SORBS2: variants seen among roughly 807,000 people sequenced by gnomAD.
SORBS2 encodes sorbin and SH3 domain-containing protein 2.
In SORBS2, 46 loss-of-function variants were observed where a neutral mutation model predicts 97.7. That is an observed-to-expected ratio of 0.47 (90% CI 0.37 to 0.60). The LOEUF (loss-of-function observed/expected upper bound fraction) is 0.60, where lower values mean the gene tolerates loss of function less well. Ranked by LOEUF, SORBS2 falls within the 20% of genes least tolerant of loss-of-function variation. The pLI is 0.00. For missense variants in SORBS2, 1,316 were observed against 1,282.3 expected (o/e 1.03, Z -0.40); for synonymous variants, 476 against 473.4 (o/e 1.01, Z -0.07).
intron 1 of SORBS2, among the ~76,000 whole-genome samples, chr4:185,923,578 T>G (rs1173026332): frequency 6.7e-6 from 1 of 149,566 alleles, no homozygotes; most frequent in East Asian, 2.0e-4. Flanking sequence ...CTCTGGGATT[T>G]GTGAACCACC....
At chr4:185,827,767 A>G (rs1167403639) in intron 1 of SORBS2, among the ~76,000 whole-genome samples, 7 of 148,846 alleles carry the variant, frequency 4.7e-5, no homozygotes, top group East Asian at 2.0e-4. Context: ...CACCATCATC[A>G]TCACCATCAC....
At chr4:185,952,825 C>T (rs913622771) in intron 1 of SORBS2, among the ~76,000 whole-genome samples, 1 of 152,174 alleles carries the variant, frequency 6.6e-6, no homozygotes, top group Non-Finnish European at 1.5e-5. Flanking sequence ...CCCCTTCAAA[C>T]CAATAAACAA....
intron 1 of SORBS2, among the ~76,000 whole-genome samples, chr4:185,915,630 C>T (rs72709760): frequency 0.063 from 9,607 of 152,100 alleles, 423 homozygotes; most frequent in Middle Eastern, 0.11. Flanking sequence ...TTCCTTTCTC[C>T]CAAAAATATT....
intron 1 of SORBS2, among the ~76,000 whole-genome samples, chr4:185,886,383 A>G (rs1038445549): frequency 1.3e-5 from 2 of 151,788 alleles, no homozygotes; most frequent in African/African-American, 2.4e-5. Context: ...GTGAAACCCC[A>G]TCTCTACTAA....
chr4:185,705,283 A>AT (rs1446327848), intron 2 of SORBS2, among the ~76,000 whole-genome samples: 4 of 152,180 alleles, frequency 2.6e-5, no homozygotes, highest in Non-Finnish European at 5.9e-5. Flanking sequence ...TTAGGAGTAC[A>AT]TTTTTTCAGA....
chr4:185,803,063 T>C (rs2099137978), intron 1 of SORBS2, among the ~76,000 whole-genome samples: 1 of 152,168 alleles, frequency 6.6e-6, no homozygotes, highest in Admixed American at 6.5e-5. Context: ...ATCCCATTGG[T>C]AACAAATACT....
intron 1 of SORBS2, among the ~76,000 whole-genome samples, chr4:185,874,861 T>TC (rs1223680362): frequency 6.7e-6 from 1 of 150,334 alleles, no homozygotes; most frequent in Non-Finnish European, 1.5e-5. Flanking sequence ...TACCCTGATT[T>TC]TTTTTTTTTT....
chr4:185,923,885 T>C (rs531746844), intron 1 of SORBS2, among the ~76,000 whole-genome samples: 54 of 152,354 alleles, frequency 3.5e-4, no homozygotes, highest in Non-Finnish European at 6.6e-4. Flanking sequence ...TTGGATACTT[T>C]CCTGAATACT....
intron 2 of SORBS2, among the ~76,000 whole-genome samples, chr4:185,760,083 T>C (rs1289518723): frequency 6.6e-6 from 1 of 152,188 alleles, no homozygotes; most frequent in East Asian, 1.9e-4. Flanking sequence ...ATTTTAACTT[T>C]ATACAACAGA....
At chr4:185,642,919 A>T (rs1004636517) in intron 4 of SORBS2, among the ~76,000 whole-genome samples, 12 of 152,250 alleles carry the variant, frequency 7.9e-5, no homozygotes, top group African/African-American at 2.9e-4. Flanking sequence ...TCATGGATAA[A>T]CAACAGAACA....
At chr4:185,860,020 A>G (rs1274490075) in intron 1 of SORBS2, among the ~76,000 whole-genome samples, 1 of 152,216 alleles carries the variant, frequency 6.6e-6, no homozygotes, top group Non-Finnish European at 1.5e-5. Context: ...TTCCTTTTTA[A>G]CATTGGAGGT....
Position 185,816,091 on chromosome 4 carries a change from T to C in SORBS2, c.-337-40725A>G, listed in dbSNP as rs558454568. Among the ~76,000 whole-genome samples the C allele has an allele frequency of 1.8e-4, 27 of 152,298 alleles. 1 individual carries two copies. The East Asian group carries it at 4.6e-3, about 26-fold the overall frequency. ...ACTCTGGTAGAGAGTATTGGAAACA[T>C]TTTGCACTTTCTTGAAACAAGTTTG... On this transcript the variant is annotated intron_variant, in intron 1 of 20. Coordinates refer to the SORBS2 transcript ENST00000284776.
At chr4:185,830,173 A>G (rs2099204359) in intron 1 of SORBS2, among the ~76,000 whole-genome samples, 1 of 152,118 alleles carries the variant, frequency 6.6e-6, no homozygotes. Flanking sequence ...GATTTCCCTG[A>G]TTACTATTAT....
chr4:185,821,569 G>A (rs2099196819), intron 1 of SORBS2, among the ~76,000 whole-genome samples: 1 of 152,008 alleles, frequency 6.6e-6, no homozygotes. Context: ...GATTACAGGT[G>A]CCCGCCACCA....
chr4:185,907,196 T>C (rs1242925180), intron 1 of SORBS2, among the ~76,000 whole-genome samples: 9 of 151,796 alleles, frequency 5.9e-5, no homozygotes, highest in Admixed American at 5.9e-4. Context: ...TATTCCATCA[T>C]ATGCTCACTT....
chr4:185,666,081 G>A, intron 4 of SORBS2: 1 of 1,289,858 alleles, frequency 7.8e-7, no homozygotes, highest in Non-Finnish European at 1.0e-6. Flanking sequence ...TGCCTGGTGA[G>A]AAAGTGGCTC....
chr4:185,649,433 G>A (rs370453531), intron 3 of SORBS2, 34 bp downstream of exon 12: 308 of 1,509,540 alleles, frequency 2.0e-4, no homozygotes, highest in Middle Eastern at 5.4e-4. Flanking sequence ...TATCCTAAGC[G>A]AAACATAGGC....
chr4:185,825,181 A>G (rs991247093), intron 1 of SORBS2, among the ~76,000 whole-genome samples: 2 of 149,394 alleles, frequency 1.3e-5, no homozygotes, highest in South Asian at 4.3e-4. Context: ...CATGGGGAAT[A>G]TCTTTATTTG....
At chr4:185,844,942 G>A (rs11934935) in intron 1 of SORBS2, among the ~76,000 whole-genome samples, 81,390 of 151,834 alleles carry the variant, frequency 0.54, 22,348 homozygotes, top group East Asian at 0.79. Flanking sequence ...ATTAGTGCCT[G>A]CCTGGGGCTG....
Sources: gnomAD v4.1 joint callset for allele counts (sites outside exome capture counted in the v4.1 genomes callset) on GRCh38, gnomAD v4.1.1 for gene constraint, MANE v1.5 for transcripts, NCBI Gene and HGNC (gene_info 2026-07-23, HGNC 2026-07-21) for gene names.